Variants in KCNH7 observed in about 807,000 individuals in gnomAD.
KCNH7 encodes potassium voltage-gated channel subfamily H member 7.
KCNH7 carries 49 observed loss-of-function variants against 120.8 expected under a neutral mutation model. The observed-to-expected ratio is 0.41, with a 90% CI of 0.32 to 0.51. The LOEUF is 0.51. Among genes scored for constraint, KCNH7 ranks in the 20% least tolerant of loss-of-function variants. KCNH7 has a pLI of 0.38. For missense variants in KCNH7, 1,097 were observed against 1,446.6 expected (o/e 0.76, Z 3.92); for synonymous variants, 547 against 516.1 (o/e 1.06, Z -0.81).
At chr2:162,517,131 A>C (rs1375767271) in intron 4 of KCNH7, among the ~76,000 whole-genome samples, 3 of 151,812 alleles carry the variant, frequency 2.0e-5, no homozygotes, top group South Asian at 2.1e-4. Flanking sequence ...GAATGTGAAC[A>C]TAATGTTCAA....
intron 7 of KCNH7, among the ~76,000 whole-genome samples, chr2:162,439,211 A>G (rs1688346752): frequency 6.6e-6 from 1 of 151,528 alleles, no homozygotes; most frequent in Non-Finnish European, 1.5e-5. Flanking sequence ...TAAAAACTAG[A>G]GTAAAAAACT....
intron 6 of KCNH7, among the ~76,000 whole-genome samples, chr2:162,471,454 T>G (rs181097432): frequency 6.6e-6 from 1 of 152,112 alleles, no homozygotes; most frequent in African/African-American, 2.4e-5. Context: ...GAGCAGTCAA[T>G]GAGAAAGAGC....
At chr2:162,450,761 T>G (rs914794383) in intron 6 of KCNH7, among the ~76,000 whole-genome samples, 1 of 151,968 alleles carries the variant, frequency 6.6e-6, no homozygotes, top group African/African-American at 2.4e-5. Flanking sequence ...CCAAGTTTGG[T>G]TTTTGACAGA....
intron 2 of KCNH7, among the ~76,000 whole-genome samples, chr2:162,586,311 C>A (rs1694017541): frequency 6.6e-6 from 1 of 152,060 alleles, no homozygotes. Context: ...CTTATAGCTT[C>A]TATTTTGCCC....
rs898989156 is a variant in KCNH7, at chr2:162,542,820, C to T, written c.308-5740G>A. Among the ~76,000 whole-genome samples, 27 of 152,146 alleles carry T rather than the reference C, an allele frequency of 1.8e-4. 1 individual carries two copies. Among genetic ancestry groups the T allele is most frequent in the African/African-American group, 4.8e-4 (20 of 41,520 alleles). On this transcript the variant is annotated intron_variant, in intron 2 of 15. Coordinates refer to ENST00000332142, the MANE Select transcript of KCNH7 (RefSeq NM_033272.4). ...TTCTAGTTCTAGATCCCAGAGGAAT[C>T]GCCACACTGTCTTCCACAATGGTTG...
chr2:162,744,713 C>T (rs1042636353), intron 2 of KCNH7, among the ~76,000 whole-genome samples: 1 of 151,996 alleles, frequency 6.6e-6, no homozygotes. Flanking sequence ...GCTGGGACTA[C>T]AAGTGCCCAC....
In KCNH7 at chr2:162,715,946, T is replaced by TTGTGTGTG. The variant is rs55649777; in HGVS notation, c.307+120583_307+120590dup. ...GATCTTTCCATCTGGGAGCATGTCTTTGTGTGTGTGTGTGTGTGTGTGTGT... is the reference window on the plus strand; with the variant it reads ...GATCTTTCCATCTGGGAGCATGTCTTTGTGTGTGTGTGTGTGTGTGTGTGTGTGTGTGT... On this transcript the variant is annotated intron_variant, in intron 2 of 15. Transcript: ENST00000332142. 2.7e-3 allele frequency among the ~76,000 whole-genome samples: 390 copies of TTGTGTGTG among 146,484 alleles called. 2 individuals carry two copies. Among genetic ancestry groups the TTGTGTGTG allele is most frequent in the African/African-American group, 8.1e-3 (326 of 40,492 alleles).
At chr2:162,588,964 C>T (rs570797028) in intron 2 of KCNH7, among the ~76,000 whole-genome samples, 1 of 152,196 alleles carries the variant, frequency 6.6e-6, no homozygotes, top group South Asian at 2.1e-4. Flanking sequence ...AGGAGCACAG[C>T]CTGGCTAACC....
intron 2 of KCNH7, among the ~76,000 whole-genome samples, chr2:162,739,721 C>T (rs1688053936): frequency 6.6e-6 from 1 of 152,062 alleles, no homozygotes; most frequent in Non-Finnish European, 1.5e-5. Context: ...CTTGGTCTGG[C>T]CATAGGGGTG....
At chr2:162,758,757 C>T (rs1688873046) in intron 2 of KCNH7, among the ~76,000 whole-genome samples, 1 of 152,050 alleles carries the variant, frequency 6.6e-6, no homozygotes, top group Non-Finnish European at 1.5e-5. Context: ...TTTGCATTGT[C>T]TACTTAAAGT....
chr2:162,837,562 C>G (rs1685705701), intron 1 of KCNH7, among the ~76,000 whole-genome samples: 1 of 152,076 alleles, frequency 6.6e-6, no homozygotes, highest in Non-Finnish European at 1.5e-5. Context: ...CGCAAGGTAC[C>G]AGATCCTCAC....
intron 9 of KCNH7, among the ~76,000 whole-genome samples, chr2:162,410,656 C>G (rs1687363946): frequency 6.6e-6 from 1 of 151,956 alleles, no homozygotes; most frequent in South Asian, 2.1e-4. Flanking sequence ...ACAGAGTAAA[C>G]AGAAAACCTA....
chr2:162,556,239 T>A (rs1011363967), intron 2 of KCNH7, among the ~76,000 whole-genome samples: 1 of 152,182 alleles, frequency 6.6e-6, no homozygotes, highest in African/African-American at 2.4e-5. Flanking sequence ...GTTGAATACC[T>A]ACTATATTCC....
intron 2 of KCNH7, among the ~76,000 whole-genome samples, chr2:162,584,846 ATT>A (rs34171829): frequency 1.6e-3 from 222 of 136,348 alleles, no homozygotes; most frequent in Admixed American, 2.0e-3. Context: ...TCTCCTTTTA[ATT>A]TTTTTTTTTT....
At chr2:162,386,833 C>T (rs1686587871) in intron 12 of KCNH7, among the ~76,000 whole-genome samples, 1 of 151,700 alleles carries the variant, frequency 6.6e-6, no homozygotes, top group Non-Finnish European at 1.5e-5. Flanking sequence ...TGCTGGGCTT[C>T]AGTCTTAGTT....
chr2:162,500,277 CAT>C (rs1240545136), intron 6 of KCNH7, among the ~76,000 whole-genome samples: 9 of 140,916 alleles, frequency 6.4e-5, no homozygotes, highest in Non-Finnish European at 1.0e-4. Context: ...ATATTCAGCA[CAT>C]ATAATATATA....
At chr2:162,752,867 C>G (rs1312893432) in intron 2 of KCNH7, among the ~76,000 whole-genome samples, 2 of 140,082 alleles carry the variant, frequency 1.4e-5, no homozygotes, top group Non-Finnish European at 3.1e-5. Flanking sequence ...CGCCATTGCA[C>G]TCCAGCCTGG....
chr2:162,613,997 G>A (rs186811820), intron 2 of KCNH7, among the ~76,000 whole-genome samples: 1 of 151,180 alleles, frequency 6.6e-6, no homozygotes, highest in Admixed American at 6.6e-5. Flanking sequence ...AATAAACAGA[G>A]TACAAAGAAA....
intron 2 of KCNH7, among the ~76,000 whole-genome samples, chr2:162,610,720 G>A (rs1308296917): frequency 6.6e-6 from 1 of 152,104 alleles, no homozygotes; most frequent in Non-Finnish European, 1.5e-5. Flanking sequence ...TTATAACTGG[G>A]TTAATATTCT....
Sources: gnomAD v4.1 joint callset for allele counts (sites outside exome capture counted in the v4.1 genomes callset) on GRCh38, gnomAD v4.1.1 for gene constraint, MANE v1.5 for transcripts, NCBI Gene and HGNC (gene_info 2026-07-23, HGNC 2026-07-21) for gene names.